SSTR2: variants seen among roughly 807,000 people sequenced by gnomAD.
The protein encoded by SSTR2 is somatostatin receptor type 2.
SSTR2 carries 10 observed loss-of-function variants against 21.4 expected under a neutral mutation model. That is an observed-to-expected ratio of 0.47 (90% confidence interval 0.29 to 0.79). SSTR2 has a LOEUF of 0.79. SSTR2 is among the 30% of genes least tolerant of loss of function. The probability of loss-of-function intolerance (pLI) is 0.10; values close to 1 mark genes in which losing one functional copy is unlikely to be tolerated. For synonymous variants in SSTR2, 177 were observed against 181.3 expected (o/e 0.98, Z 0.19); for missense variants, 364 against 468.8 (o/e 0.78, Z 2.06).
In SSTR2 at chr17:73,170,463, CTCTG is replaced by C. The variant is rs752635722; in HGVS notation, c.*38_*41del. Reference sequence around the variant, plus strand: ...GGGGGTGGGAAAGAACCAAGCCATGCTCTGTCTACTGGCAATGGGCTCCCTACCC... The same window carrying C: ...GGGGGTGGGAAAGAACCAAGCCATGCTCTACTGGCAATGGGCTCCCTACCC... On this transcript the variant is annotated 3_prime_UTR_variant, in exon 2 of 2. Transcript: ENST00000357585. The C allele has an allele frequency of 1.4e-5, 23 of 1,599,380 alleles. No homozygotes were observed. In the South Asian group the frequency reaches 2.4e-4, roughly 16 times the overall value.
chr17:73,166,508 G>C (rs1436726680), intron 1 of SSTR2, among the ~76,000 whole-genome samples: 3 of 152,174 alleles, frequency 2.0e-5, no homozygotes, highest in Admixed American at 2.0e-4. Flanking sequence ...CCTGGACATG[G>C]TTCAGAGGAA....
In SSTR2 at chr17:73,165,056, C is replaced by T. The variant is rs2061210946; in HGVS notation, c.-325C>T. On this transcript the variant is annotated 5_prime_UTR_variant, in exon 1 of 2. The change creates a premature stop within an existing upstream ORF in the 5' untranslated region. Coordinates refer to ENST00000357585, the MANE Select transcript of SSTR2 (RefSeq NM_001050.3). Reference sequence around the variant, plus strand: ...CATGCGCGCGCGCTCGCAAGACCACCAGCGCCCAGAGCCCCAGTCTGAGGC... The same window carrying T: ...CATGCGCGCGCGCTCGCAAGACCACTAGCGCCCAGAGCCCCAGTCTGAGGC... 1 of 152,256 alleles carries T rather than the reference C, an allele frequency of 6.6e-6. No homozygotes were observed. The highest frequency in any genetic ancestry group is 1.5e-5 in the Non-Finnish European group (1 of 68,072). The allele number at this position is 152,256 out of a possible 1,614,324, so 9.4% of individuals were successfully genotyped here. A position where few individuals can be genotyped will look rare whatever the true frequency, so the allele number is the denominator to read the frequency against.
At chr17:73,165,387 T>TGC (rs1568284854) in intron 1 of SSTR2, 99 bp downstream of exon 1, 1 of 153,074 alleles carries the variant, frequency 6.5e-6, no homozygotes, top group African/African-American at 2.4e-5. Context: ...TGTGTGCATC[T>TGC]GCGCTGATGG....
chr17:73,169,729 G>A lies in SSTR2; in HGVS notation c.410G>A (p.Ser137Asn). 1.2e-6 allele frequency: 2 copies of A among 1,614,226 alleles called. No individual in the cohort carries two copies. The highest frequency in any genetic ancestry group is 1.7e-6 in the Non-Finnish European group (2 of 1,180,050). The change falls in exon 2 of 2, where the codon AGC becomes AAC. Residue 137 changes from serine to asparagine, a missense_variant. This residue lies in a region of SSTR2 where 193 missense variants were observed against 273.1 expected (regional missense o/e 0.71). Transcript: ENST00000357585. This position sits in a 1 kb window ranked among gnomAD's most constrained non-coding sequence, Gnocchi z 5.2. ...FTSIFCLTVMSIDRYLAVVHP... is the reference protein window; with the variant it reads ...FTSIFCLTVMNIDRYLAVVHP... Reference sequence around the variant, plus strand: ...AGCATCTTCTGCCTGACAGTCATGAGCATCGACCGATACCTGGCTGTGGTC... The same window carrying A: ...AGCATCTTCTGCCTGACAGTCATGAACATCGACCGATACCTGGCTGTGGTC...
chr17:73,171,921 C>CAAAAAAAAAAAA lies in SSTR2; in HGVS notation c.*1517_*1528dup, dbSNP rs61493168. 5.6e-5 allele frequency: 1 copy of CAAAAAAAAAAAA among 17,968 alleles called. No individual in the cohort carries two copies. The highest frequency in any genetic ancestry group is 2.0e-4 in the African/African-American group (1 of 4,932). The allele number at this position is 17,968 out of a possible 1,614,324, so 1.1% of individuals were successfully genotyped here. A position where few individuals can be genotyped will look rare whatever the true frequency, so the allele number is the denominator to read the frequency against. On this transcript the variant is annotated 3_prime_UTR_variant, in exon 2 of 2. Coordinates refer to ENST00000357585, the MANE Select transcript of SSTR2 (RefSeq NM_001050.3). ...GAGCAACAAGAGCAAAACTCAGTCTCAAAAAAAAAAAAAAAAAAAAAAAAA... is the reference window on the plus strand; with the variant it reads ...GAGCAACAAGAGCAAAACTCAGTCTCAAAAAAAAAAAAAAAAAAAAAAAAAAAAAAAAAAAAA...
chr17:73,170,021 G>C lies in SSTR2; in HGVS notation c.702G>C (p.Lys234Asn). Residue 234 changes from lysine (K) to asparagine (N), a missense_variant, in exon 2 of 2, where the codon AAG (lysine) becomes AAC (asparagine). Around this residue, in one of 4 missense-constraint regions of SSTR2, gnomAD observed 193 missense variants for 273.1 expected, o/e 0.71. Coordinates refer to ENST00000357585, the MANE Select transcript of SSTR2 (RefSeq NM_001050.3). ...TTTGCTACCTGTTCATTATCATCAA[G>C]GTGAAGTCCTCTGGAATCCGAGTGG... ...ICLCYLFIII[K>N]VKSSGIRVGS... The C allele has an allele frequency of 6.2e-7, 1 of 1,613,926 alleles. No homozygotes were observed. Among genetic ancestry groups the C allele is most frequent in the South Asian group, 1.1e-5 (1 of 91,072 alleles).
Position 73,170,450 on chromosome 17 carries a change from G to C in SSTR2, c.*21G>C. 6.2e-7 allele frequency: 1 copy of C among 1,605,080 alleles called. No homozygotes were observed. Among genetic ancestry groups the C allele is most frequent in the South Asian group, 1.1e-5 (1 of 90,388 alleles). On this transcript the variant is annotated 3_prime_UTR_variant, in exon 2 of 2. Coordinates refer to ENST00000357585, the MANE Select transcript of SSTR2 (RefSeq NM_001050.3). ...TCTGAACTGCTTGGGGGGTGGGAAAGAACCAAGCCATGCTCTGTCTACTGG... is the reference window on the plus strand; with the variant it reads ...TCTGAACTGCTTGGGGGGTGGGAAACAACCAAGCCATGCTCTGTCTACTGG...
chr17:73,170,906 C>T lies in SSTR2; in HGVS notation c.*477C>T. On this transcript the variant is annotated 3_prime_UTR_variant, in exon 2 of 2. Transcript: ENST00000357585. ...GATGGACATTTGCCACAACACACTG[C>T]CCGCAGAAATGGACTTACCGTGAAG... 1 of 375,364 alleles carries T rather than the reference C, an allele frequency of 2.7e-6. No individual in the cohort carries two copies. The highest frequency in any genetic ancestry group is 5.4e-6 in the Non-Finnish European group (1 of 184,418). 23.3% of individuals were successfully genotyped at this position (375,364 alleles called of 1,614,324 possible). A position where few individuals can be genotyped will look rare whatever the true frequency, so the allele number is the denominator to read the frequency against.
rs1213245952 is a variant in SSTR2 at position 73,173,557 on chromosome 17, T to C, written c.*3128T>C. On this transcript the variant is annotated 3_prime_UTR_variant, in exon 2 of 2. Transcript: ENST00000357585. ...GGTTAACATCATTTTAATTCAAAAA[T>C]TTTAGTCTCCATTCCATATTTAATG... 1 of 152,208 alleles carries C rather than the reference T, an allele frequency of 6.6e-6. No homozygotes were observed. The highest frequency in any genetic ancestry group is 6.5e-5 in the Admixed American group (1 of 15,276). 9.4% of individuals were successfully genotyped at this position (152,208 alleles called of 1,614,324 possible).
intron 1 of SSTR2, among the ~76,000 whole-genome samples, chr17:73,165,824 GA>G (rs2061214184): frequency 6.6e-6 from 1 of 151,130 alleles, no homozygotes; most frequent in East Asian, 2.0e-4. Flanking sequence ...CCTCGGGACA[GA>G]AAGGACAGTT....
In SSTR2 at chr17:73,173,186, A is replaced by G. The variant is rs563261972; in HGVS notation, c.*2757A>G. 2.0e-5 allele frequency: 3 copies of G among 152,184 alleles called. No individual in the cohort carries two copies. The highest frequency in any genetic ancestry group is 7.3e-5 in the African/African-American group (3 of 41,376). 9.4% of individuals were successfully genotyped at this position (152,184 alleles called of 1,614,324 possible). A position where few individuals can be genotyped will look rare whatever the true frequency, so the allele number is the denominator to read the frequency against. ...GCCATTGCACTCCAGCCTGGGCAAC[A>G]AGAGCGAAACTTCATCTCAAAAAAA... On this transcript the variant is annotated 3_prime_UTR_variant, in exon 2 of 2. Coordinates refer to ENST00000357585, the MANE Select transcript of SSTR2 (RefSeq NM_001050.3).
At position 73,170,434 on chromosome 17, in the gene SSTR2, CT is replaced by C. The variant is rs766552602; in HGVS notation, c.*7del. 3 of 1,608,954 alleles carry C rather than the reference CT, an allele frequency of 1.9e-6. No homozygotes were observed. In the South Asian group the frequency reaches 3.3e-5, roughly 18 times the overall value. On this transcript the variant is annotated 3_prime_UTR_variant, in exon 2 of 2. Coordinates refer to ENST00000357585, the MANE Select transcript of SSTR2 (RefSeq NM_001050.3). The stretch of plus-strand genomic sequence containing the variant: ...GACCTCCAAACCAGTATCTGAACTG[CT>C]TGGGGGGTGGGAAAGAACCAAGCCA...
intron 1 of SSTR2, among the ~76,000 whole-genome samples, chr17:73,166,040 A>G (rs998152975): frequency 2.0e-5 from 3 of 151,722 alleles, no homozygotes; most frequent in South Asian, 2.1e-4. Flanking sequence ...GAAATGGCAC[A>G]GAGTTCTTTG....
At position 73,175,345 on chromosome 17, in the gene SSTR2, A is replaced by C. The variant is rs1235957482; in HGVS notation, c.*4916A>C. 1.4e-5 allele frequency: 2 copies of C among 141,490 alleles called. No homozygotes were observed. The highest frequency in any genetic ancestry group is 3.0e-5 in the Non-Finnish European group (2 of 66,670). The allele number at this position is 141,490 out of a possible 1,614,324, so 8.8% of individuals were successfully genotyped here. On this transcript the variant is annotated 3_prime_UTR_variant, in exon 2 of 2. Transcript: ENST00000357585. ...AGTTTCGCTTTTTCACCCAGGCTGG[A>C]GCGCAGTGGCACGATCTTGGCTCAC...
Position 73,176,095 on chromosome 17 carries a change from C to T in SSTR2, c.*5666C>T, listed in dbSNP as rs2061248130. ...TCTGCTTGTCTTAAGAGAGGAAGAC[C>T]CACGACCAGCTCTCTGGGACTACCT... On this transcript the variant is annotated 3_prime_UTR_variant, in exon 2 of 2. Coordinates refer to ENST00000357585, the MANE Select transcript of SSTR2 (RefSeq NM_001050.3). 6.6e-6 allele frequency: 1 copy of T among 152,012 alleles called. No homozygotes were observed. The highest frequency in any genetic ancestry group is 1.5e-5 in the Non-Finnish European group (1 of 68,000). 9.4% of individuals were successfully genotyped at this position (152,012 alleles called of 1,614,324 possible). A position where few individuals can be genotyped will look rare whatever the true frequency, so the allele number is the denominator to read the frequency against.
At chr17:73,167,348 G>A (rs961519543) in intron 1 of SSTR2, among the ~76,000 whole-genome samples, 9 of 152,158 alleles carry the variant, frequency 5.9e-5, no homozygotes, top group Non-Finnish European at 1.0e-4. Context: ...CAGAAGGAAC[G>A]AGCAATGCAC....
At position 73,169,677 on chromosome 17, in the gene SSTR2, A is replaced by G; in HGVS notation, c.358A>G (p.Thr120Ala). ...CAAGGCCATTTGCCGGGTGGTCATG[A>G]CTGTGGATGGCATCAATCAGTTCAC... ...FGKAICRVVM[T>A]VDGINQFTSI... Residue 120 changes from threonine (T) to alanine (A), a missense_variant, in exon 2 of 2, where the codon ACT becomes GCT. Transcript: ENST00000357585. The surrounding 1 kb of genome is among the most constrained non-coding windows in gnomAD (Gnocchi z 5.2). 1 of 1,614,148 alleles carries G rather than the reference A, an allele frequency of 6.2e-7. No homozygotes were observed. The highest frequency in any genetic ancestry group is 8.5e-7 in the Non-Finnish European group (1 of 1,180,032).
intron 1 of SSTR2, among the ~76,000 whole-genome samples, chr17:73,167,515 G>A (rs552363969): frequency 6.6e-6 from 1 of 152,314 alleles, no homozygotes. Context: ...TAGCTCAGGG[G>A]AAATGTGTCA....
At position 73,174,739 on chromosome 17, in the gene SSTR2, G is replaced by A. The variant is rs1292812310; in HGVS notation, c.*4310G>A. On this transcript the variant is annotated 3_prime_UTR_variant, in exon 2 of 2. Transcript: ENST00000357585. ...TAATGCTTGTCTTAGGTTACCTGTT[G>A]ATTTAAAAACAACAACAACAAAAAC... 6.6e-6 allele frequency: 1 copy of A among 152,218 alleles called. No individual in the cohort carries two copies. Among genetic ancestry groups the A allele is most frequent in the Non-Finnish European group, 1.5e-5 (1 of 68,018 alleles). 9.4% of individuals were successfully genotyped at this position (152,218 alleles called of 1,614,324 possible).
Sources: gnomAD v4.1 joint callset for allele counts (sites outside exome capture counted in the v4.1 genomes callset) on GRCh38, gnomAD v4.1.1 for gene constraint, gnomAD v4.1.1 regional missense constraint, Gnocchi (gnomAD v3.1) non-coding constraint, MANE v1.5 for transcripts, NCBI Gene and HGNC (gene_info 2026-07-23, HGNC 2026-07-21) for gene names.